Variants in PREP observed in about 807,000 individuals in gnomAD.
PREP encodes the protein dJ355L5.1 (prolyl endopeptidase).
PREP carries 29 observed loss-of-function variants against 87.6 expected under a neutral mutation model. The observed-to-expected ratio is 0.33, with a 90% CI of 0.25 to 0.45. The LOEUF (loss-of-function observed/expected upper bound fraction) is 0.45. Ranked by LOEUF, PREP falls within the 20% of genes least tolerant of loss-of-function variation. The probability of loss-of-function intolerance (pLI) is 1.00; values close to 1 mark genes in which losing one functional copy is unlikely to be tolerated. For missense variants in PREP, 695 were observed against 886.5 expected, an observed-to-expected ratio of 0.78 and a Z score of 2.74; for synonymous variants, 337 against 328.6, an observed-to-expected ratio of 1.03 and a Z score of -0.28.
At chr6:105,302,969 C>A (rs186190027) in intron 10 of PREP, 2 of 189,000 alleles carry the variant, frequency 1.1e-5, no homozygotes, top group Non-Finnish European at 2.2e-5. Context: ...TGCCTGCCTG[C>A]ACAGGGGCCT....
chr6:105,287,400 T>A (rs749538106), intron 11 of PREP, among the ~76,000 whole-genome samples: 1 of 152,196 alleles, frequency 6.6e-6, no homozygotes, highest in Non-Finnish European at 1.5e-5. Context: ...ATGCCACATA[T>A]ATCTTTCGAA....
intron 10 of PREP, among the ~76,000 whole-genome samples, chr6:105,289,956 G>A (rs1007633295): frequency 2.0e-5 from 3 of 152,130 alleles, no homozygotes; most frequent in Non-Finnish European, 2.9e-5. Context: ...GGGGAAGGGC[G>A]GAGGGGGAGA....
intron 7 of PREP, among the ~76,000 whole-genome samples, chr6:105,342,734 C>T (rs138826443): frequency 0.066 from 9,989 of 152,124 alleles, 380 homozygotes; most frequent in African/African-American, 0.1. Flanking sequence ...TCCTATACAC[C>T]AATAACAGAC....
intron 14 of PREP, among the ~76,000 whole-genome samples, chr6:105,279,346 A>G (rs1195558040): frequency 7.2e-5 from 11 of 152,166 alleles, no homozygotes; most frequent in Non-Finnish European, 7.4e-5. Context: ...TTCCCACCAG[A>G]TAAGATGGAG....
At chr6:105,379,783 A>G (rs1363350342) in intron 2 of PREP, among the ~76,000 whole-genome samples, 2 of 152,210 alleles carry the variant, frequency 1.3e-5, no homozygotes, top group Non-Finnish European at 2.9e-5. Context: ...TGGATGGATA[A>G]GTGACAAGTC....
At chr6:105,282,713 T>TA in intron 12 of PREP, 131 bp from the exon 13 acceptor site, 30 of 1,039,448 alleles carry the variant, frequency 2.9e-5, no homozygotes, top group Non-Finnish European at 3.9e-5. Context: ...AACACTGCAT[T>TA]TAAAAAAAAG....
chr6:105,294,770 TCCAACTTGCTCTTTCG>T (rs1770373067), intron 10 of PREP, among the ~76,000 whole-genome samples: 1 of 152,326 alleles, frequency 6.6e-6, no homozygotes, highest in South Asian at 2.1e-4. Context: ...ACCTTGTAGC[TCCAACTTGCTCTTTCG>T]CCACTTCTGT....
chr6:105,293,751 T>C (rs1770349940), intron 10 of PREP, among the ~76,000 whole-genome samples: 1 of 152,216 alleles, frequency 6.6e-6, no homozygotes, highest in Non-Finnish European at 1.5e-5. Flanking sequence ...TTTCCATTGA[T>C]GGAATGGTAA....
intron 2 of PREP, among the ~76,000 whole-genome samples, chr6:105,379,051 T>C (rs918685027): frequency 1.3e-5 from 2 of 152,230 alleles, no homozygotes; most frequent in African/African-American, 4.8e-5. Flanking sequence ...AAAGTATGAA[T>C]ACAGTAATTA....
chr6:105,306,751 A>G (rs951825117), intron 10 of PREP, among the ~76,000 whole-genome samples: 15 of 147,114 alleles, frequency 1.0e-4, no homozygotes, highest in Admixed American at 8.8e-4. Flanking sequence ...CACCACCACC[A>G]TCCCCGCCCC....
chr6:105,275,309 G>T lies in PREP; in HGVS notation c.*2835C>A, dbSNP rs1257802840. The stretch of plus-strand genomic sequence containing the variant: ...GTTGAAACTTATCCTTTTCAAACTT[G>T]TAGCACCATGTGTGTGTAGCTGCTT... On this transcript the variant is annotated 3_prime_UTR_variant, in exon 15 of 15. Transcript: ENST00000652536. Among the ~76,000 whole-genome samples, 2 of 152,214 alleles carry T rather than the reference G, an allele frequency of 1.3e-5. No individual in the cohort carries two copies. The highest frequency in any genetic ancestry group is 2.9e-5 in the Non-Finnish European group (2 of 68,030).
chr6:105,376,016 A>C (rs1015032927), intron 4 of PREP, 109 bp downstream of exon 4: 1 of 1,336,182 alleles, frequency 7.5e-7, no homozygotes, highest in African/African-American at 1.5e-5. Flanking sequence ...CTGTTCCACA[A>C]TATGGTCCAC....
chr6:105,322,595 C>T, intron 10 of PREP: 1 of 986,894 alleles, frequency 1.0e-6, no homozygotes, highest in Non-Finnish European at 1.2e-6. Context: ...TTAAATATTT[C>T]AGGCCTTCTG....
At chr6:105,302,671 T>C (rs936927646) in intron 10 of PREP, 2 of 485,368 alleles carry the variant, frequency 4.1e-6, no homozygotes, top group Admixed American at 2.4e-5. Flanking sequence ...GGCAATGGAA[T>C]TGTGGATGAC....
intron 10 of PREP, among the ~76,000 whole-genome samples, chr6:105,311,998 CTCTT>C (rs768666790): frequency 4.6e-5 from 7 of 152,218 alleles, no homozygotes; most frequent in East Asian, 1.9e-4. Context: ...TCAGATTATA[CTCTT>C]TCTAAGTCTC....
chr6:105,400,922 C>A (rs1773412730), intron 1 of PREP, among the ~76,000 whole-genome samples: 1 of 152,028 alleles, frequency 6.6e-6, no homozygotes, highest in Non-Finnish European at 1.5e-5. Flanking sequence ...ACCATTTAAG[C>A]AAATACCTAA....
intron 7 of PREP, among the ~76,000 whole-genome samples, chr6:105,347,204 T>A (rs1771822257): frequency 6.6e-6 from 1 of 151,930 alleles, no homozygotes; most frequent in South Asian, 2.1e-4. Context: ...AGAGAGGAAG[T>A]CTGAGCATGG....
chr6:105,402,723 C>T, intron 1 of PREP, 124 bp downstream of exon 1: 1 of 901,032 alleles, frequency 1.1e-6, no homozygotes, highest in Non-Finnish European at 1.6e-6. Context: ...CAAACAAAGG[C>T]CGAGGGGGAG....
intron 2 of PREP, among the ~76,000 whole-genome samples, chr6:105,386,934 C>T (rs1033773722): frequency 2.0e-5 from 3 of 152,236 alleles, no homozygotes; most frequent in African/African-American, 7.2e-5. Context: ...AAGCTAAGGC[C>T]GGGTGCGGTG....
Sources: allele counts gnomAD v4.1 joint callset (sites outside exome capture counted in the v4.1 genomes callset), GRCh38; gene constraint gnomAD v4.1.1; transcripts MANE v1.5; gene names NCBI Gene and HGNC (gene_info 2026-07-23, HGNC 2026-07-21).